The following AUTS2 variants were observed in gnomAD, a reference collection of about 807,000 sequenced individuals.
AUTS2 encodes the protein autism susceptibility gene 2 protein.
AUTS2 carries 17 observed loss-of-function variants against 112.4 expected under a neutral mutation model. The ratio of observed to expected loss-of-function variants is 0.15; its 90% confidence interval spans 0.10 to 0.23. The LOEUF is 0.23. AUTS2 is among the 10% of genes least tolerant of loss of function. The pLI, the probability that AUTS2 is intolerant of heterozygous loss-of-function variation, is 1.00. For missense variants in AUTS2, 1,510 were observed against 1,701.6 expected (o/e 0.89, Z 1.98); for synonymous variants, 751 against 702.7 (o/e 1.07, Z -1.09).
intron 5 of AUTS2, among the ~76,000 whole-genome samples, chr7:70,506,343 C>T (rs1380261256): frequency 6.6e-6 from 1 of 152,194 alleles, no homozygotes; most frequent in East Asian, 1.9e-4. Flanking sequence ...GGCAGCGCTT[C>T]TGGAGAGAGA....
At chr7:70,753,362 A>G (rs1788985660) in intron 6 of AUTS2, among the ~76,000 whole-genome samples, 1 of 152,174 alleles carries the variant, frequency 6.6e-6, no homozygotes, top group African/African-American at 2.4e-5. Flanking sequence ...CCAGATGGTA[A>G]TTAATGTTTA....
chr7:70,205,152 T>G (rs1249067848), intron 4 of AUTS2, among the ~76,000 whole-genome samples: 1 of 152,164 alleles, frequency 6.6e-6, no homozygotes, highest in Non-Finnish European at 1.5e-5. Context: ...TGGATCTTCC[T>G]GCCTCAGCCT....
chr7:70,178,580 C>T (rs958631377), intron 4 of AUTS2, among the ~76,000 whole-genome samples: 1 of 151,878 alleles, frequency 6.6e-6, no homozygotes, highest in Non-Finnish European at 1.5e-5. Flanking sequence ...CGGGTGGATC[C>T]CATGAGGTCA....
chr7:70,667,546 G>A (rs1807411269), intron 5 of AUTS2, among the ~76,000 whole-genome samples: 1 of 152,162 alleles, frequency 6.6e-6, no homozygotes, highest in Non-Finnish European at 1.5e-5. Context: ...GCTTCAGCCA[G>A]GCACACACTT....
intron 6 of AUTS2, among the ~76,000 whole-genome samples, chr7:70,716,370 A>G (rs1485988304): frequency 1.3e-5 from 2 of 152,166 alleles, no homozygotes; most frequent in Admixed American, 6.5e-5. Flanking sequence ...ACAGTGGCTC[A>G]TGCCTGTAAT....
At chr7:70,226,252 A>G (rs565988427) in intron 4 of AUTS2, among the ~76,000 whole-genome samples, 2 of 152,088 alleles carry the variant, frequency 1.3e-5, no homozygotes, top group East Asian at 3.9e-4. Context: ...CAGTAGAGCA[A>G]TCTTGGCTCA....
rs533061972 is a variant in AUTS2 at position 70,297,655 on chromosome 7, C to T, written c.661-138097C>T. 6.6e-5 allele frequency among the ~76,000 whole-genome samples: 10 copies of T among 151,972 alleles called. No homozygotes were observed. The South Asian group carries it at 1.7e-3, about 25-fold the overall frequency. Reference sequence around the variant, plus strand: ...TTCACCGTGTTAGCCAGGATAGTCTCGATCTCCTGACCTCGTGATCCTCCC... The same window carrying T: ...TTCACCGTGTTAGCCAGGATAGTCTTGATCTCCTGACCTCGTGATCCTCCC... On this transcript the variant is annotated intron_variant, in intron 4 of 18. Coordinates refer to ENST00000342771, the MANE Select transcript of AUTS2 (RefSeq NM_015570.4).
chr7:69,601,142 A>G (rs1792384381), intron 1 of AUTS2, among the ~76,000 whole-genome samples: 2 of 150,946 alleles, frequency 1.3e-5, no homozygotes, highest in African/African-American at 4.9e-5. Context: ...CCCCCCACAC[A>G]CCATGCACAC....
At chr7:69,786,542 G>A (rs1789384809) in intron 1 of AUTS2, among the ~76,000 whole-genome samples, 1 of 152,184 alleles carries the variant, frequency 6.6e-6, no homozygotes, top group African/African-American at 2.4e-5. Flanking sequence ...TGGAAGCTTT[G>A]TTCTTTCACT....
chr7:70,381,466 C>T (rs1468650198), intron 4 of AUTS2, among the ~76,000 whole-genome samples: 3 of 152,152 alleles, frequency 2.0e-5, no homozygotes, highest in African/African-American at 7.2e-5. Flanking sequence ...GAAAGTACAA[C>T]ATTAAGCAAG....
At chr7:69,948,023 C>T (rs539963747) in intron 2 of AUTS2, among the ~76,000 whole-genome samples, 36 of 152,240 alleles carry the variant, frequency 2.4e-4, no homozygotes, top group African/African-American at 7.9e-4. Context: ...TATTATTTCG[C>T]GAAGTCCTAT....
At chr7:70,258,658 C>T (rs769667150) in intron 4 of AUTS2, among the ~76,000 whole-genome samples, 3 of 152,070 alleles carry the variant, frequency 2.0e-5, no homozygotes, top group South Asian at 2.1e-4. Context: ...TACCTTAAGT[C>T]GTATGAGGCT....
intron 1 of AUTS2, among the ~76,000 whole-genome samples, chr7:69,836,753 C>CA (rs1791743024): frequency 6.6e-6 from 1 of 152,154 alleles, no homozygotes; most frequent in Non-Finnish European, 1.5e-5. Flanking sequence ...CACATATTTG[C>CA]ACGCCTAAAA....
intron 2 of AUTS2, among the ~76,000 whole-genome samples, chr7:70,023,694 C>A (rs1002894820): frequency 6.6e-6 from 1 of 152,152 alleles, no homozygotes; most frequent in Non-Finnish European, 1.5e-5. Flanking sequence ...ACTAAATTCA[C>A]TAAAATGGTT....
intron 4 of AUTS2, among the ~76,000 whole-genome samples, chr7:70,181,482 CT>C (rs377593316): frequency 0.039 from 5,827 of 148,676 alleles, 162 homozygotes; most frequent in South Asian, 0.086. Flanking sequence ...CTAAAGTTAA[CT>C]TTTTTTTTTC....
chr7:69,975,888 A>T (rs1798039561), intron 2 of AUTS2, among the ~76,000 whole-genome samples: 1 of 151,872 alleles, frequency 6.6e-6, no homozygotes, highest in Admixed American at 6.6e-5. Context: ...GGGTTTCACC[A>T]TGTTGGCCAG....
intron 1 of AUTS2, among the ~76,000 whole-genome samples, chr7:69,712,910 C>T (rs997411990): frequency 6.6e-6 from 1 of 152,056 alleles, no homozygotes; most frequent in African/African-American, 2.4e-5. Context: ...AAGATTTTAG[C>T]CATTCTAATA....
chr7:69,675,816 G>T (rs1449499753), intron 1 of AUTS2, among the ~76,000 whole-genome samples: 1 of 152,022 alleles, frequency 6.6e-6, no homozygotes, highest in Non-Finnish European at 1.5e-5. Flanking sequence ...CTTGGCTGAG[G>T]TTTGACTCTT....
rs553428748 is a variant in AUTS2, at chr7:69,873,787, A to G, written c.310-25499A>G. Among the ~76,000 whole-genome samples, 3 of 152,266 alleles carry G rather than the reference A, an allele frequency of 2.0e-5. No individual in the cohort carries two copies. In the South Asian group the frequency reaches 6.2e-4, roughly 32 times the overall value. On this transcript the variant is annotated intron_variant, in intron 1 of 18. Transcript: ENST00000342771. ...CTCCCAGAAGAGTGTGTCACAGAAT[A>G]GCTGGAATTACACCTACTTTATGTA... is the stretch of plus-strand genomic sequence containing the variant.
Sources: allele counts gnomAD v4.1 joint callset (sites outside exome capture counted in the v4.1 genomes callset), GRCh38; gene constraint gnomAD v4.1.1; transcripts MANE v1.5; gene names NCBI Gene and HGNC (gene_info 2026-07-23, HGNC 2026-07-21).